The following DAB1 variants were observed in gnomAD, a reference collection of about 807,000 sequenced individuals.
DAB1 encodes the protein DAB adaptor protein 1.
A neutral mutation model predicts 64.6 loss-of-function variants in DAB1; 15 were observed. The observed-to-expected ratio is 0.23, with a 90% confidence interval of 0.16 to 0.36. DAB1 has a LOEUF of 0.36. DAB1 is among the 10% of genes least tolerant of loss of function. The pLI, the probability that DAB1 is intolerant of heterozygous loss-of-function variation, is 1.00. For missense variants in DAB1, 596 were observed against 706.7 expected (o/e 0.84, Z 1.78); for synonymous variants, 235 against 251.9 (o/e 0.93, Z 0.64).
At chr1:57,790,012 G>A (rs1303147002) in intron 6 of DAB1, among the ~76,000 whole-genome samples, 1 of 152,164 alleles carries the variant, frequency 6.6e-6, no homozygotes, top group Non-Finnish European at 1.5e-5. Context: ...TGGCTAACAG[G>A]AGGCACCAAC....
intron 7 of DAB1, among the ~76,000 whole-genome samples, chr1:57,634,023 G>A (rs532328899): frequency 2.6e-5 from 4 of 152,292 alleles, no homozygotes; most frequent in Admixed American, 6.5e-5. Flanking sequence ...CATGGCTGGC[G>A]CATCCTGGAC....
At chr1:57,168,582 C>A (rs947232366) in intron 2 of DAB1, among the ~76,000 whole-genome samples, 24 of 152,210 alleles carry the variant, frequency 1.6e-4, no homozygotes, top group African/African-American at 5.5e-4. Flanking sequence ...CTGTCACCTT[C>A]CCTTTCCCTG....
intron 5 of DAB1, among the ~76,000 whole-genome samples, chr1:57,894,693 A>G (rs934954642): frequency 5.9e-5 from 9 of 152,164 alleles, no homozygotes; most frequent in Non-Finnish European, 1.2e-4. Context: ...TCTGATTTGC[A>G]TTTGAAAAGA....
intron 4 of DAB1, among the ~76,000 whole-genome samples, chr1:58,158,597 A>G (rs1266672234): frequency 3.3e-5 from 5 of 152,140 alleles, no homozygotes; most frequent in Non-Finnish European, 5.9e-5. Flanking sequence ...GACTACACAC[A>G]CTGGAGAGAA....
intron 1 of DAB1, among the ~76,000 whole-genome samples, chr1:57,326,815 C>A (rs1423476202): frequency 6.6e-6 from 1 of 152,174 alleles, no homozygotes; most frequent in Non-Finnish European, 1.5e-5. Context: ...ATCCTCATCA[C>A]CTCCCAATGT....
chr1:58,375,649 T>C (rs1451545367), intron 3 of DAB1, among the ~76,000 whole-genome samples: 1 of 132,404 alleles, frequency 7.6e-6, no homozygotes, highest in East Asian at 2.0e-4. Flanking sequence ...TCTCTTTTTT[T>C]GGTTGTGTCT....
At chr1:58,126,568 C>T (rs1209638396) in intron 5 of DAB1, among the ~76,000 whole-genome samples, 2 of 151,554 alleles carry the variant, frequency 1.3e-5, no homozygotes, top group African/African-American at 2.4e-5. Flanking sequence ...AACTCGTCAT[C>T]TAGCATTAGG....
rs541437778 is a variant in DAB1 at position 57,288,015 on chromosome 1, C to T, written c.67+2949G>A. Among the ~76,000 whole-genome samples the T allele has an allele frequency of 1.3e-4, 20 of 152,118 alleles. No individual in the cohort carries two copies. In the East Asian group the frequency reaches 3.3e-3, roughly 25 times the overall value. ...TTCACTGTGTTGGCCAGGCTGGTCT[C>T]GAATTCCTGACTTCAAGTGTTCTGC... On this transcript the variant is annotated intron_variant, in intron 2 of 14. Transcript: ENST00000371236.
At chr1:57,973,228 T>A (rs945521271) in intron 5 of DAB1, among the ~76,000 whole-genome samples, 8 of 152,102 alleles carry the variant, frequency 5.3e-5, no homozygotes, top group Non-Finnish European at 8.8e-5. Context: ...AAGATTGAAA[T>A]GATGTGGCCA....
At chr1:57,033,367 A>T (rs1265661640) in intron 9 of DAB1, 1 of 1,612,604 alleles carries the variant, frequency 6.2e-7, no homozygotes, top group Non-Finnish European at 8.5e-7. Flanking sequence ...CTAATTTAAC[A>T]CAAACCTCAA....
chr1:57,179,925 G>C (rs1662734542), intron 2 of DAB1, among the ~76,000 whole-genome samples: 1 of 152,006 alleles, frequency 6.6e-6, no homozygotes, highest in Admixed American at 6.6e-5. Context: ...AACTAGTTCT[G>C]GTGTTTGGAA....
At chr1:58,095,775 G>A (rs911304771) in intron 5 of DAB1, among the ~76,000 whole-genome samples, 1 of 152,168 alleles carries the variant, frequency 6.6e-6, no homozygotes, top group Non-Finnish European at 1.5e-5. Flanking sequence ...GAGCCTGAAG[G>A]TACCAATTAT....
chr1:57,695,044 T>C (rs1646807434), intron 6 of DAB1, among the ~76,000 whole-genome samples: 1 of 151,880 alleles, frequency 6.6e-6, no homozygotes, highest in South Asian at 2.1e-4. Context: ...AAATTATTAT[T>C]GTTTTCAAAT....
chr1:58,142,842 T>C (rs581861), intron 5 of DAB1, among the ~76,000 whole-genome samples: 79,451 of 152,050 alleles, frequency 0.52, 23,365 homozygotes, highest in East Asian at 0.86. Context: ...TTTCTTTATG[T>C]CTCCATCTTA....
intron 2 of DAB1, among the ~76,000 whole-genome samples, chr1:57,266,755 T>C (rs761511987): frequency 1.2e-4 from 19 of 152,136 alleles, no homozygotes; most frequent in Non-Finnish European, 2.1e-4. Context: ...ATCAAAGAAA[T>C]GATGAGCAAT....
At chr1:57,071,224 A>C (rs1032389418) in intron 6 of DAB1, 163 bp from the exon 7 acceptor site, 1 of 702,378 alleles carries the variant, frequency 1.4e-6, no homozygotes, top group East Asian at 2.7e-5. Context: ...AAATCCTTAG[A>C]GCCACTCCCA....
intron 2 of DAB1, among the ~76,000 whole-genome samples, chr1:57,235,781 G>A (rs1441599469): frequency 2.0e-5 from 3 of 151,354 alleles, no homozygotes; most frequent in African/African-American, 7.3e-5. Context: ...TAGGCACAAA[G>A]GAATCGCTTG....
chr1:58,510,279 C>T (rs1183386493), intron 2 of DAB1, among the ~76,000 whole-genome samples: 1 of 152,024 alleles, frequency 6.6e-6, no homozygotes, highest in African/African-American at 2.4e-5. Context: ...AGGATCACAC[C>T]TCATGACCAA....
At chr1:57,782,978 C>T (rs1650169594) in intron 6 of DAB1, among the ~76,000 whole-genome samples, 1 of 134,928 alleles carries the variant, frequency 7.4e-6, no homozygotes, top group South Asian at 2.6e-4. Flanking sequence ...TTCTTTCCTC[C>T]CTCCCTCCCT....
Sources: gnomAD v4.1 joint callset for allele counts (sites outside exome capture counted in the v4.1 genomes callset) on GRCh38, gnomAD v4.1.1 for gene constraint, MANE v1.5 for transcripts, NCBI Gene and HGNC (gene_info 2026-07-23, HGNC 2026-07-21) for gene names.